COPG1: variants seen among roughly 807,000 people sequenced by gnomAD.
The protein encoded by COPG1 is coat protein complex I subunit gamma 1.
A neutral mutation model predicts 102.8 loss-of-function variants in COPG1; 29 were observed. The observed-to-expected ratio is 0.28, with a 90% confidence interval of 0.21 to 0.38. COPG1 has a LOEUF of 0.38. Among genes scored for constraint, COPG1 ranks in the 10% least tolerant of loss-of-function variants. COPG1 has a pLI of 1.00. For missense variants in COPG1, 875 were observed against 1,132.7 expected (o/e 0.77, Z 3.27); for synonymous variants, 406 against 421.6 (o/e 0.96, Z 0.45).
chr3:129,263,286 G>T (rs1185134955), intron 12 of COPG1, among the ~76,000 whole-genome samples: 1 of 152,104 alleles, frequency 6.6e-6, no homozygotes, highest in Admixed American at 6.6e-5. Context: ...AAAAGATGGG[G>T]TATTGGATGA....
intron 7 of COPG1, among the ~76,000 whole-genome samples, chr3:129,255,404 A>G (rs1233417593): frequency 1.3e-5 from 2 of 151,494 alleles, no homozygotes; most frequent in African/African-American, 2.4e-5. Context: ...GTCTTGAACT[A>G]CAGACCTCAT....
At chr3:129,257,958 C>G (rs1199000758) in intron 10 of COPG1, 98 bp downstream of exon 10, 3 of 1,493,640 alleles carry the variant, frequency 2.0e-6, no homozygotes, top group Non-Finnish European at 1.8e-6. Context: ...ATGCTCTTAA[C>G]AAGTGTTAAG....
chr3:129,254,088 G>A (rs1207803521), intron 5 of COPG1, among the ~76,000 whole-genome samples: 1 of 151,834 alleles, frequency 6.6e-6, no homozygotes, highest in Non-Finnish European at 1.5e-5. Context: ...CACAAGGTCG[G>A]GAGTTCAAGA....
chr3:129,252,706 A>G lies in COPG1; in HGVS notation c.243+12A>G. 1 of 1,613,260 alleles carries G rather than the reference A, an allele frequency of 6.2e-7. No homozygotes were observed. The highest frequency in any genetic ancestry group is 2.2e-5 in the East Asian group (1 of 44,884). On this transcript the variant is annotated intron_variant, in intron 4 of 23. Transcript: ENST00000314797. The stretch of plus-strand genomic sequence containing the variant: ...TTCAGTCCAATGATGTAAGTGCCTC[A>G]ACCCAGCTTTCCTTGAGAGGTGGCA...
chr3:129,260,082 A>G, intron 10 of COPG1: 1 of 550,322 alleles, frequency 1.8e-6, no homozygotes, highest in Non-Finnish European at 3.3e-6. Context: ...TGTATAGCAC[A>G]GCACCTGGCA....
Position 129,275,965 on chromosome 3 carries a change from A to G in COPG1, c.2494+673A>G, listed in dbSNP as rs1433597653. ...GCTATTACAGATGTTACAGTAAATA[A>G]TCGTGTACACACACACACACACACA... is the stretch of plus-strand genomic sequence containing the variant. On this transcript the variant is annotated intron_variant, in intron 23 of 23. Coordinates refer to ENST00000314797, the MANE Select transcript of COPG1 (RefSeq NM_016128.4). The surrounding 1 kb of genome is among the most constrained non-coding windows in gnomAD (Gnocchi z 5.0). Among the ~76,000 whole-genome samples the G allele has an allele frequency of 7.1e-6, 1 of 140,628 alleles. No homozygotes were observed. Among genetic ancestry groups the G allele is most frequent in the Non-Finnish European group, 1.5e-5 (1 of 67,328 alleles). 92.3% of individuals were successfully genotyped at this position (140,628 alleles called of 152,430 possible). A position where few individuals can be genotyped will look rare whatever the true frequency, so the allele number is the denominator to read the frequency against.
At chr3:129,267,838 T>C in intron 15 of COPG1, 99 bp from the exon 16 acceptor site, 1 of 880,096 alleles carries the variant, frequency 1.1e-6, no homozygotes, top group South Asian at 1.5e-5. Context: ...ACTAGTCTAC[T>C]TGTTATCCCT....
chr3:129,260,496 C>A, intron 11 of COPG1, 96 bp downstream of exon 11: 2 of 1,510,480 alleles, frequency 1.3e-6, no homozygotes, highest in South Asian at 1.2e-5. Context: ...TAGCCCTGGT[C>A]ACAGTTAGTT....
At chr3:129,266,382 GTC>G (rs1940061309) in intron 14 of COPG1, among the ~76,000 whole-genome samples, 1 of 151,952 alleles carries the variant, frequency 6.6e-6, no homozygotes, top group African/African-American at 2.4e-5. Context: ...TCCTGCCTCA[GTC>G]TCTGAAAGTG....
chr3:129,265,565 A>C lies in COPG1; in HGVS notation c.1241A>C (p.Lys414Thr). ...MLREEGGFEYKRAIVDCIISI... is the reference protein window; with the variant it reads ...MLREEGGFEYTRAIVDCIISI... ...TCTCTGCAGGGTGGCTTTGAGTATA[A>C]GCGCGCTATCGTGGACTGCATCATC... The change falls in exon 14 of 24, where the codon AAG (lysine) becomes ACG (threonine). Residue 414 changes from lysine to threonine, a missense_variant. By Grantham distance (78) the Lys-to-Thr change is moderately conservative (BLOSUM62 -1). Coordinates refer to ENST00000314797, the MANE Select transcript of COPG1 (RefSeq NM_016128.4). 2 of 1,614,046 alleles carry C rather than the reference A, an allele frequency of 1.2e-6. No homozygotes were observed. The highest frequency in any genetic ancestry group is 1.1e-5 in the South Asian group (1 of 91,080).
intron 12 of COPG1, among the ~76,000 whole-genome samples, 197 bp downstream of exon 12, chr3:129,261,004 A>G (rs1055705199): frequency 6.6e-6 from 1 of 152,182 alleles, no homozygotes; most frequent in Non-Finnish European, 1.5e-5. Context: ...GCCTCCATCC[A>G]TATCGTCCCC....
chr3:129,261,658 G>T (rs60646240), intron 12 of COPG1, among the ~76,000 whole-genome samples: 14,611 of 152,144 alleles, frequency 0.096, 759 homozygotes, highest in Middle Eastern at 0.2. Flanking sequence ...ACTAGCACAG[G>T]ACAATGTCAA....
intron 20 of COPG1, 45 bp from the exon 21 acceptor site, chr3:129,272,762 T>A: frequency 7.7e-7 from 1 of 1,296,636 alleles, no homozygotes; most frequent in Middle Eastern, 1.9e-4. Flanking sequence ...GCCCATCCCC[T>A]GCAGGCTGGG....
intron 2 of COPG1, 99 bp from the exon 3 acceptor site, chr3:129,252,182 T>C (rs1576959140): frequency 2.4e-6 from 2 of 837,016 alleles, no homozygotes; most frequent in East Asian, 2.4e-5. Context: ...AAGCCCTGTT[T>C]AGACAAGTCA....
intron 2 of COPG1, 105 bp downstream of exon 2, chr3:129,250,839 G>GC (rs777312162): frequency 1.1e-5 from 10 of 941,530 alleles, no homozygotes; most frequent in Middle Eastern, 2.3e-4. Context: ...CAACACGGGA[G>GC]AAAACTTGTG....
At position 129,252,377 on chromosome 3, in the gene COPG1, T is replaced by C. The variant is rs746106771; in HGVS notation, c.171+16T>C. The C allele has an allele frequency of 1.9e-6, 3 of 1,573,044 alleles. No individual in the cohort carries two copies. The highest frequency in any genetic ancestry group is 2.6e-6 in the Non-Finnish European group (3 of 1,142,952). ...CATAAACCAGGTAACAGGGTGAAGC[T>C]TGCGGGTAGGGAGAATGGTGCTGGG... On this transcript the variant is annotated intron_variant, in intron 3 of 23. Transcript: ENST00000314797.
intron 4 of COPG1, 33 bp from the exon 5 acceptor site, chr3:129,252,843 G>T (rs777692321): frequency 6.2e-7 from 1 of 1,608,408 alleles, no homozygotes; most frequent in South Asian, 1.1e-5. Flanking sequence ...TGGTGAGCCC[G>T]GGCTGATAGG....
intron 2 of COPG1, among the ~76,000 whole-genome samples, chr3:129,251,340 A>C (rs547527304): frequency 6.7e-6 from 1 of 149,788 alleles, no homozygotes; most frequent in Admixed American, 6.7e-5. Flanking sequence ...GAGATTTTGC[A>C]TGACTTGTTT....
Position 129,257,499 on chromosome 3 carries a change from G to A in COPG1, c.609G>A (p.Val203=), listed in dbSNP as rs777807844. The part of the protein sequence containing the change: ...QYHALGLLYH[V]RKNDRLAVNK... ...ACGCACTAGGGCTCCTGTACCATGT[G>A]CGTAAGAATGACCGCCTAGCCGTCA... The change falls in exon 9 of 24, where the codon GTG becomes GTA. Residue 203 remains valine, a synonymous_variant. Transcript: ENST00000314797. 3.1e-6 allele frequency: 5 copies of A among 1,614,102 alleles called. No homozygotes were observed. In the South Asian group the frequency reaches 4.4e-5, roughly 14 times the overall value.
Sources: allele counts gnomAD v4.1 joint callset (sites outside exome capture counted in the v4.1 genomes callset), GRCh38; gene constraint gnomAD v4.1.1; non-coding constraint Gnocchi (gnomAD v3.1); transcripts MANE v1.5; gene names NCBI Gene and HGNC (gene_info 2026-07-23, HGNC 2026-07-21).